ARHGEF10L: variants seen among roughly 807,000 people sequenced by gnomAD.
The protein encoded by ARHGEF10L is rho guanine nucleotide exchange factor 10-like protein.
In ARHGEF10L, 69 loss-of-function variants were observed where a neutral mutation model predicts 141.2. The ratio of observed to expected loss-of-function variants is 0.49; its 90% CI spans 0.40 to 0.60. The LOEUF is 0.60. Ranked by LOEUF, ARHGEF10L falls within the 20% of genes least tolerant of loss-of-function variation. The pLI, the probability that ARHGEF10L is intolerant of heterozygous loss-of-function variation, is 0.00. For missense variants in ARHGEF10L, 1,482 were observed against 1,734.3 expected (o/e 0.85, Z 2.58); for synonymous variants, 711 against 718.5 (o/e 0.99, Z 0.17).
chr1:17,634,722 G>A (rs906203195), intron 17 of ARHGEF10L, 113 bp from the exon 18 acceptor site: 16 of 1,455,358 alleles, frequency 1.1e-5, no homozygotes, highest in Admixed American at 4.8e-5. Flanking sequence ...GAGGTCTTGC[G>A]CTGGGGCTGC....
chr1:17,590,300 G>T (rs899547536), intron 4 of ARHGEF10L, among the ~76,000 whole-genome samples: 5 of 152,132 alleles, frequency 3.3e-5, no homozygotes, highest in Admixed American at 3.3e-4. Context: ...ACTCAGAGAT[G>T]ATCTCTGAGC....
intron 1 of ARHGEF10L, among the ~76,000 whole-genome samples, chr1:17,548,910 A>G (rs2077013353): frequency 6.6e-6 from 1 of 151,506 alleles, no homozygotes. Flanking sequence ...CAGCCTCCCA[A>G]AGTGCTGGGA....
At chr1:17,652,176 G>A (rs532470411) in intron 22 of ARHGEF10L, among the ~76,000 whole-genome samples, 1 of 152,178 alleles carries the variant, frequency 6.6e-6, no homozygotes, top group Non-Finnish European at 1.5e-5. Flanking sequence ...AGACAGGGTC[G>A]GCACTCTGTA....
chr1:17,531,102 A>G, the ARHGEF10L span, among the ~76,000 whole-genome samples: 2 of 152,260 alleles, frequency 1.3e-5, no homozygotes, highest in Non-Finnish European at 2.9e-5. Context: ...TGAAGACTGC[A>G]GAGCCTGGCG....
chr1:17,618,428 C>T (rs569967541), intron 9 of ARHGEF10L: 39 of 1,528,408 alleles, frequency 2.6e-5, no homozygotes, highest in Non-Finnish European at 2.7e-5. Flanking sequence ...ATGCCCGGGG[C>T]GTGATGTGGG....
intron 1 of ARHGEF10L, among the ~76,000 whole-genome samples, chr1:17,562,425 A>C (rs1013049454): frequency 1.3e-5 from 2 of 151,498 alleles, no homozygotes; most frequent in Non-Finnish European, 3.0e-5. Context: ...TCAAACAAAC[A>C]AACAAAAAGA....
chr1:17,618,123 G>A (rs1015380201), intron 9 of ARHGEF10L, among the ~76,000 whole-genome samples: 1 of 152,202 alleles, frequency 6.6e-6, no homozygotes, highest in East Asian at 1.9e-4. Flanking sequence ...CGATGATGGA[G>A]GGAGCAGGCC....
intron 23 of ARHGEF10L, 52 bp from the exon 24 acceptor site, chr1:17,655,827 T>G: frequency 6.6e-7 from 1 of 1,506,538 alleles, no homozygotes; most frequent in Non-Finnish European, 9.0e-7. Flanking sequence ...GGTCCTCCTC[T>G]GCTCCCTCCT....
chr1:17,521,227 A>C, the ARHGEF10L span, among the ~76,000 whole-genome samples: 4 of 151,778 alleles, frequency 2.6e-5, no homozygotes, highest in Non-Finnish European at 4.4e-5. Flanking sequence ...ACAGAGTTTC[A>C]CTCTTGTTGC....
intron 16 of ARHGEF10L, among the ~76,000 whole-genome samples, chr1:17,632,731 G>A (rs113619426): frequency 8.9e-4 from 135 of 152,364 alleles, no homozygotes; most frequent in Middle Eastern, 3.4e-3. Context: ...GAACTCTGCA[G>A]TTGGTGACTA....
chr1:17,593,244 A>G (rs1025969827), intron 4 of ARHGEF10L, among the ~76,000 whole-genome samples: 5 of 152,212 alleles, frequency 3.3e-5, no homozygotes, highest in African/African-American at 1.2e-4. Context: ...TGGTGCAACA[A>G]TACTAACAGC....
intron 26 of ARHGEF10L, among the ~76,000 whole-genome samples, chr1:17,677,126 C>T (rs752893066): frequency 1.3e-5 from 2 of 152,110 alleles, no homozygotes; most frequent in Non-Finnish European, 2.9e-5. Flanking sequence ...CGCTTGCCTG[C>T]GATCAGCAGG....
At chr1:17,651,489 C>T (rs2061933331) in intron 22 of ARHGEF10L, among the ~76,000 whole-genome samples, 1 of 152,180 alleles carries the variant, frequency 6.6e-6, no homozygotes. Flanking sequence ...TCTCCTGTCT[C>T]CCCCAGGGCC....
At chr1:17,668,975 G>T (rs147125600) in intron 26 of ARHGEF10L, among the ~76,000 whole-genome samples, 1 of 152,162 alleles carries the variant, frequency 6.6e-6, no homozygotes, top group African/African-American at 2.4e-5. Context: ...AGCCAGGCCT[G>T]GGGGAGCCGC....
intron 27 of ARHGEF10L, chr1:17,694,935 C>G (rs778684902): frequency 1.0e-5 from 7 of 701,972 alleles, no homozygotes; most frequent in African/African-American, 3.5e-5. Flanking sequence ...TTTACACAGG[C>G]GGAAACTGAG....
chr1:17,660,975 A>G (rs1288147848), intron 25 of ARHGEF10L, among the ~76,000 whole-genome samples: 1 of 152,162 alleles, frequency 6.6e-6, no homozygotes, highest in Non-Finnish European at 1.5e-5. Context: ...ATCTCAGAGG[A>G]CAGAGTTTTG....
At chr1:17,638,428 G>A in intron 19 of ARHGEF10L, 134 bp from the exon 20 acceptor site, 1 of 1,308,608 alleles carries the variant, frequency 7.6e-7, no homozygotes, top group Non-Finnish European at 1.1e-6. Flanking sequence ...GGGGCTAAAT[G>A]TGCAGCCTCA....
At chr1:17,575,358 A>G (rs1391319294) in intron 1 of ARHGEF10L, among the ~76,000 whole-genome samples, 5 of 152,246 alleles carry the variant, frequency 3.3e-5, no homozygotes, top group African/African-American at 7.2e-5. Flanking sequence ...ACTGGAAACC[A>G]CTGTGTGAAA....
chr1:17,587,716 C>A, intron 3 of ARHGEF10L, 71 bp downstream of exon 3: 2 of 1,487,606 alleles, frequency 1.3e-6, no homozygotes, highest in Middle Eastern at 1.8e-4. Flanking sequence ...AAGCTCCAGG[C>A]TCTCAGGGAT....
Sources: allele counts gnomAD v4.1 joint callset (sites outside exome capture counted in the v4.1 genomes callset), GRCh38; gene constraint gnomAD v4.1.1; transcripts MANE v1.5; gene names NCBI Gene and HGNC (gene_info 2026-07-23, HGNC 2026-07-21).